The following VPS13B variants were observed in gnomAD, a reference collection of about 807,000 sequenced individuals.
The protein encoded by VPS13B is vacuolar protein sorting 13 homolog B, also known as intermembrane lipid transfer protein VPS13B.
In VPS13B, 285 loss-of-function variants were observed where a neutral mutation model predicts 426.4. The observed-to-expected ratio is 0.67, with a 90% CI of 0.61 to 0.74. VPS13B has a LOEUF of 0.74. VPS13B is among the 30% of genes least tolerant of loss of function. The probability of loss-of-function intolerance (pLI) is 0.00; values close to 1 mark genes in which losing one functional copy is unlikely to be tolerated. For synonymous variants in VPS13B, 1,676 were observed against 1,676.4 expected (o/e 1.00, Z 0.01); for missense variants, 4,537 against 4,782.6 (o/e 0.95, Z 1.51).
At chr8:99,498,670 T>C (rs1209917393) in intron 25 of VPS13B, among the ~76,000 whole-genome samples, 2 of 152,198 alleles carry the variant, frequency 1.3e-5, no homozygotes, top group African/African-American at 4.8e-5. Flanking sequence ...TGAGTAATTC[T>C]TTTCATGCTG....
chr8:99,423,033 T>C (rs1298411434), intron 21 of VPS13B, among the ~76,000 whole-genome samples: 1 of 152,226 alleles, frequency 6.6e-6, no homozygotes, highest in Non-Finnish European at 1.5e-5. Flanking sequence ...ATACTCTTTA[T>C]TGCAAATATT....
At chr8:99,575,873 G>A (rs1825751208) in intron 32 of VPS13B, 89 bp downstream of exon 32, 1 of 1,367,188 alleles carries the variant, frequency 7.3e-7, no homozygotes, top group Non-Finnish European at 1.0e-6. Flanking sequence ...TCAGCCCATA[G>A]GACTTCAAAT....
intron 2 of VPS13B, among the ~76,000 whole-genome samples, chr8:99,017,984 C>G (rs577604403): frequency 1.2e-4 from 19 of 152,180 alleles, no homozygotes; most frequent in East Asian, 3.9e-4. Flanking sequence ...TATTTTTAGG[C>G]CTTTAATTTC....
At chr8:99,396,984 C>A (rs575716053) in intron 21 of VPS13B, among the ~76,000 whole-genome samples, 1 of 152,012 alleles carries the variant, frequency 6.6e-6, no homozygotes, top group South Asian at 2.1e-4. Context: ...ATCTTTTATG[C>A]CTAGGTCTCC....
chr8:99,798,560 T>G (rs1004863106), intron 43 of VPS13B, among the ~76,000 whole-genome samples: 9 of 152,170 alleles, frequency 5.9e-5, no homozygotes, highest in Non-Finnish European at 1.3e-4. Context: ...GATAGGGTCC[T>G]TTATCCAGTC....
intron 30 of VPS13B, among the ~76,000 whole-genome samples, chr8:99,553,892 G>A (rs1323822992): frequency 6.6e-6 from 1 of 151,890 alleles, no homozygotes; most frequent in Non-Finnish European, 1.5e-5. Context: ...ATCCCTAAAA[G>A]TTTGAAATTT....
At chr8:99,828,401 T>TGC (rs1814840096) in intron 51 of VPS13B, among the ~76,000 whole-genome samples, 4 of 34,482 alleles carry the variant, frequency 1.2e-4, no homozygotes, top group African/African-American at 4.8e-4. Flanking sequence ...ACCGTTTTTT[T>TGC]TTTTTTTTTT....
rs1284354271 is a variant in VPS13B at position 99,861,927 on chromosome 8, G to T, written c.11196G>T (p.Arg3732=). ...LGEGLRQGLS[R]LGISLLGAIA... Reference sequence around the variant, plus strand: ...AGGGGCTTCGACAGGGCCTGTCCCGGCTGGGCATCAGCCTGCTTGGTAAGG... The same window carrying T: ...AGGGGCTTCGACAGGGCCTGTCCCGTCTGGGCATCAGCCTGCTTGGTAAGG... Residue 3732 remains arginine (R), a synonymous_variant, in exon 58 of 62, where the codon CGG becomes CGT. Transcript: ENST00000357162. 2 of 1,594,818 alleles carry T rather than the reference G, an allele frequency of 1.3e-6. No individual in the cohort carries two copies. The highest frequency in any genetic ancestry group is 1.7e-5 in the Admixed American group (1 of 57,398).
At chr8:99,864,801 G>T (rs1817009631) in intron 58 of VPS13B, among the ~76,000 whole-genome samples, 1 of 152,142 alleles carries the variant, frequency 6.6e-6, no homozygotes, top group Non-Finnish European at 1.5e-5. Context: ...ACTTAGCCAG[G>T]TCAAACCTCC....
rs959339292 is a variant in VPS13B at position 99,550,830 on chromosome 8, A to T, written c.4746-5620A>T. 1.2e-4 allele frequency among the ~76,000 whole-genome samples: 18 copies of T among 152,102 alleles called. 1 individual carries two copies. ...GAAGTGTGTTTTAAAATTTCTAAACATAAGCAGTTTTGTGAATTCTCTTCT... is the reference window on the plus strand; with the variant it reads ...GAAGTGTGTTTTAAAATTTCTAAACTTAAGCAGTTTTGTGAATTCTCTTCT... On this transcript the variant is annotated intron_variant, in intron 30 of 61. Transcript: ENST00000357162.
At chr8:99,697,498 G>T in intron 35 of VPS13B, 1 of 740,196 alleles carries the variant, frequency 1.4e-6, no homozygotes, top group Non-Finnish European at 2.5e-6. Context: ...AGGAGCAGAA[G>T]TCGCTCACCA....
intron 19 of VPS13B, among the ~76,000 whole-genome samples, chr8:99,363,534 G>T (rs892649655): frequency 6.6e-6 from 1 of 152,154 alleles, no homozygotes; most frequent in Admixed American, 6.5e-5. Flanking sequence ...GATAGGGATT[G>T]CAATGAATAT....
At chr8:99,134,389 AAC>A (rs1013670395) in intron 8 of VPS13B, among the ~76,000 whole-genome samples, 3 of 152,182 alleles carry the variant, frequency 2.0e-5, no homozygotes, top group Admixed American at 1.3e-4. Context: ...CACTTTTTAA[AAC>A]AATATTAAGA....
intron 19 of VPS13B, among the ~76,000 whole-genome samples, chr8:99,303,881 A>G (rs1820507397): frequency 6.6e-6 from 1 of 152,050 alleles, no homozygotes; most frequent in South Asian, 2.1e-4. Context: ...TTCCATTTAT[A>G]TGCATATTTA....
At chr8:99,248,575 C>T (rs1459530835) in intron 17 of VPS13B, among the ~76,000 whole-genome samples, 1 of 151,990 alleles carries the variant, frequency 6.6e-6, no homozygotes, top group African/African-American at 2.4e-5. Context: ...AGTGATCCCA[C>T]CTAGATATAC....
intron 17 of VPS13B, among the ~76,000 whole-genome samples, chr8:99,195,730 T>G (rs1361379079): frequency 1.3e-5 from 2 of 152,208 alleles, no homozygotes; most frequent in East Asian, 3.8e-4. Flanking sequence ...TCTGAATTGG[T>G]TTTTCCTCAT....
intron 3 of VPS13B, among the ~76,000 whole-genome samples, chr8:99,063,125 G>A (rs1411280788): frequency 2.0e-5 from 3 of 152,186 alleles, no homozygotes; most frequent in African/African-American, 7.2e-5. Context: ...AGTAGGAACA[G>A]CTCCAGTCTG....
chr8:99,560,856 G>T (rs549015995), intron 31 of VPS13B, among the ~76,000 whole-genome samples: 74 of 152,226 alleles, frequency 4.9e-4, no homozygotes, highest in Non-Finnish European at 7.9e-4. Context: ...GCTTATAAAA[G>T]TCACAGGTTA....
chr8:99,134,925 G>A, intron 9 of VPS13B, 90 bp from the exon 10 acceptor site: 2 of 1,485,532 alleles, frequency 1.3e-6, no homozygotes, highest in East Asian at 2.3e-5. Context: ...TTCTAAAGAT[G>A]TTTAACTAAT....
Sources: allele counts gnomAD v4.1 joint callset (sites outside exome capture counted in the v4.1 genomes callset), GRCh38; gene constraint gnomAD v4.1.1; transcripts MANE v1.5; gene names NCBI Gene and HGNC (gene_info 2026-07-23, HGNC 2026-07-21).